Variants in ZNF343 observed in about 807,000 individuals in gnomAD.
ZNF343 encodes the protein zinc finger protein 343.
A neutral mutation model predicts 13.8 loss-of-function variants in ZNF343; 11 were observed. The ratio of observed to expected loss-of-function variants is 0.80; its 90% confidence interval spans 0.50 to 1.32. ZNF343 has a LOEUF of 1.32. Ranked by LOEUF, ZNF343 falls within the 40% of genes most tolerant of loss-of-function variation. The pLI, the probability that ZNF343 is intolerant of heterozygous loss-of-function variation, is 0.00. For synonymous variants in ZNF343, 248 were observed against 260.0 expected, an observed-to-expected ratio of 0.95 and a Z score of 0.44; for missense variants, 658 against 714.2, an observed-to-expected ratio of 0.92 and a Z score of 0.90.
intron 3 of ZNF343, 89 bp downstream of exon 3, chr20:2,493,689 T>C (rs2085408553): frequency 1.5e-6 from 2 of 1,341,452 alleles, no homozygotes; most frequent in African/African-American, 3.1e-5. Flanking sequence ...AGTAGTCACT[T>C]AACTCAGAGG....
rs1033545318 is a variant in ZNF343, at chr20:2,508,099, A to T, written c.-237+782T>A. On this transcript the variant is annotated intron_variant, in intron 1 of 5. Transcript: ENST00000278772. This position sits in a 1 kb window ranked among gnomAD's most constrained non-coding sequence, Gnocchi z 4.5. The stretch of plus-strand genomic sequence containing the variant: ...GACACACCTTGAGACAACAGGTCCC[A>T]GAGAAAAGACCTGCCCCCATTCAAA... 8.5e-5 allele frequency among the ~76,000 whole-genome samples: 13 copies of T among 152,060 alleles called. No individual in the cohort carries two copies. The highest frequency in any genetic ancestry group is 2.9e-4 in the African/African-American group (12 of 41,410).
At chr20:2,524,708 A>C (rs547818021), upstream of ZNF343, 4 of 152,362 alleles carry the variant, frequency 2.6e-5, no homozygotes, top group East Asian at 7.7e-4. Context: ...AAAGGAAGCC[A>C]GGTGCAGGGA....
At chr20:2,510,002 A>C (rs2085728575), upstream of ZNF343, among the ~76,000 whole-genome samples, 1 of 152,230 alleles carries the variant, frequency 6.6e-6, no homozygotes, top group Admixed American at 6.5e-5. Context: ...CATCTCTTTG[A>C]AATGTAAACA....
intron 1 of ZNF343, among the ~76,000 whole-genome samples, chr20:2,503,437 C>G (rs2085603771): frequency 6.6e-6 from 1 of 152,200 alleles, no homozygotes; most frequent in African/African-American, 2.4e-5. Flanking sequence ...AGGAATTGAA[C>G]TCAGCTCTGC....
At chr20:2,491,047 G>A (rs968888613) in intron 5 of ZNF343, among the ~76,000 whole-genome samples, 28 of 152,078 alleles carry the variant, frequency 1.8e-4, no homozygotes, top group African/African-American at 6.3e-4. Context: ...AAACAGCCAC[G>A]CCATTTGGAG....
At chr20:2,494,137 C>T (rs1376106754) in intron 2 of ZNF343, 93 bp from the exon 3 acceptor site, 1 of 446,424 alleles carries the variant, frequency 2.2e-6, no homozygotes, top group African/African-American at 2.0e-5. Context: ...CCTCTCACAC[C>T]CTCCTCATTC....
chr20:2,483,486 T>C lies in ZNF343; in HGVS notation c.1475A>G (p.His492Arg), dbSNP rs531268167. ...VHQRTHSGEKHYVCRECRRGF... is the reference protein window; with the variant it reads ...VHQRTHSGEKRYVCRECRRGF... Reference sequence around the variant, plus strand: ...TCGCCTACACTCCCTGCAGACATAATGCTTCTCCCCTGAGTGTGTCCTCTG... The same window carrying C: ...TCGCCTACACTCCCTGCAGACATAACGCTTCTCCCCTGAGTGTGTCCTCTG... Residue 492 changes from histidine (H) to arginine (R), a missense_variant, in exon 6 of 6, where the codon CAT (histidine) becomes CGT (arginine). Physicochemically the swap from His to Arg is conservative, Grantham distance 29. Transcript: ENST00000278772. The C allele has an allele frequency of 1.3e-6, 2 of 1,596,428 alleles. No individual in the cohort carries two copies. Among genetic ancestry groups the C allele is most frequent in the East Asian group, 2.3e-5 (1 of 44,132 alleles).
intron 5 of ZNF343, among the ~76,000 whole-genome samples, chr20:2,487,188 C>T (rs1283837674): frequency 6.6e-6 from 1 of 152,144 alleles, no homozygotes; most frequent in Non-Finnish European, 1.5e-5. Context: ...AAATTTGTTT[C>T]TCTTTGTATT....
chr20:2,487,454 A>G (rs767508550), intron 5 of ZNF343, among the ~76,000 whole-genome samples: 13 of 152,238 alleles, frequency 8.5e-5, no homozygotes, highest in Non-Finnish European at 1.6e-4. Context: ...CTCACTTTTA[A>G]AAACACTCTT....
rs1254366136 is a variant in ZNF343, at chr20:2,493,886, G to A, written c.10C>T (p.Pro4Ser). 3 of 1,611,842 alleles carry A rather than the reference G, an allele frequency of 1.9e-6. No individual in the cohort carries two copies. The South Asian group carries it at 3.3e-5, about 18-fold the overall frequency. The change falls in exon 3 of 6, where the codon CCT becomes TCT. Residue 4 changes from proline (P) to serine (S), a missense_variant. By Grantham distance (74) the Pro-to-Ser change is moderately conservative. Coordinates refer to ENST00000278772, the MANE Select transcript of ZNF343 (RefSeq NM_024325.6). MMLPYPSALGDQYW... is the reference protein window; with the variant it reads MMLSYPSALGDQYW... Reference sequence around the variant, plus strand: ...TGATCTCCCAGTGCTGAAGGATAAGGCAACATCATGGCGCCAGAGTCAGCC... The same window carrying A: ...TGATCTCCCAGTGCTGAAGGATAAGACAACATCATGGCGCCAGAGTCAGCC...
At chr20:2,499,351 G>C (rs1172865750) in intron 2 of ZNF343, among the ~76,000 whole-genome samples, 1 of 111,836 alleles carries the variant, frequency 8.9e-6, no homozygotes, top group Non-Finnish European at 2.0e-5. Context: ...TGTAGTCCCA[G>C]CTACTTGGGA....
chr20:2,506,496 G>A (rs1224677361), intron 1 of ZNF343, among the ~76,000 whole-genome samples: 8 of 151,996 alleles, frequency 5.3e-5, no homozygotes, highest in Non-Finnish European at 7.4e-5. Flanking sequence ...ACATGCACAC[G>A]TATGTTTATT....
chr20:2,519,210 C>T (rs1355193602), intron 1 of ZNF343, among the ~76,000 whole-genome samples: 1 of 152,190 alleles, frequency 6.6e-6, no homozygotes, highest in Non-Finnish European at 1.5e-5. Context: ...ACCTACCCCA[C>T]ATTACATACC....
At chr20:2,485,207 G>C (rs1258272485) in intron 5 of ZNF343, among the ~76,000 whole-genome samples, 1 of 152,160 alleles carries the variant, frequency 6.6e-6, no homozygotes, top group Admixed American at 6.5e-5. Context: ...CAAAGTACTA[G>C]GTTCTCTACT....
intron 1 of ZNF343, among the ~76,000 whole-genome samples, chr20:2,517,879 G>A (rs2085766283): frequency 6.6e-6 from 1 of 151,908 alleles, no homozygotes; most frequent in Non-Finnish European, 1.5e-5. Flanking sequence ...TAAAAGATGA[G>A]AAACACACCG....
chr20:2,496,935 C>T lies in ZNF343; in HGVS notation c.-149-2891G>A, dbSNP rs540846231. ...ATCTCTACTAAAAATACAAAATTAG[C>T]CGGGCATGGTGGCACATGCCTGTAA... On this transcript the variant is annotated intron_variant, in intron 2 of 5. Coordinates refer to ENST00000278772, the MANE Select transcript of ZNF343 (RefSeq NM_024325.6). 8.5e-5 allele frequency among the ~76,000 whole-genome samples: 13 copies of T among 152,210 alleles called. No individual in the cohort carries two copies. In the South Asian group the frequency reaches 2.5e-3, roughly 29 times the overall value.
At chr20:2,519,391 C>T (rs973634397) in intron 1 of ZNF343, among the ~76,000 whole-genome samples, 2 of 152,206 alleles carry the variant, frequency 1.3e-5, no homozygotes, top group Middle Eastern at 3.2e-3. Flanking sequence ...CACACTCACA[C>T]TGACTCTGGA....
chr20:2,502,100 A>G (rs1240700916), intron 1 of ZNF343, among the ~76,000 whole-genome samples: 2 of 152,196 alleles, frequency 1.3e-5, no homozygotes, highest in Non-Finnish European at 2.9e-5. Context: ...AGAATAACCA[A>G]TGCAGAGAAG....
rs1462654855 is a variant in ZNF343, at chr20:2,508,453, C to T, written c.-237+428G>A. Among the ~76,000 whole-genome samples the T allele has an allele frequency of 6.6e-6, 1 of 152,124 alleles. No individual in the cohort carries two copies. Among genetic ancestry groups the T allele is most frequent in the Non-Finnish European group, 1.5e-5 (1 of 68,020 alleles). ...CAGCCAAAAACCACCCAGGGATGTG[C>T]GGACCTAGCCACGTCCCCACCCCAG... On this transcript the variant is annotated intron_variant, in intron 1 of 5. Coordinates refer to ENST00000278772, the MANE Select transcript of ZNF343 (RefSeq NM_024325.6). The surrounding 1 kb of genome is among the most constrained non-coding windows in gnomAD (Gnocchi z 4.5).
Sources: allele counts gnomAD v4.1 joint callset (sites outside exome capture counted in the v4.1 genomes callset), GRCh38; gene constraint gnomAD v4.1.1; non-coding constraint Gnocchi (gnomAD v3.1); transcripts MANE v1.5; gene names NCBI Gene and HGNC (gene_info 2026-07-23, HGNC 2026-07-21).